The following DOCK11 variants were observed in gnomAD, a reference collection of about 807,000 sequenced individuals.
The protein encoded by DOCK11 is dedicator of cytokinesis 11, also known as dedicator of cytokinesis protein 11.
A neutral mutation model predicts 169.1 loss-of-function variants in DOCK11; 70 were observed. The observed-to-expected ratio is 0.41, with a 90% CI of 0.34 to 0.51. DOCK11 has a LOEUF of 0.51. Among genes scored for constraint, DOCK11 ranks in the 20% least tolerant of loss-of-function variants. The probability of loss-of-function intolerance (pLI) is 0.10; values close to 1 mark genes in which losing one functional copy is unlikely to be tolerated. For synonymous variants in DOCK11, 529 were observed against 541.3 expected, an observed-to-expected ratio of 0.98 and a Z score of 0.32; for missense variants, 1,166 against 1,538.8, an observed-to-expected ratio of 0.76 and a Z score of 4.05.
intron 46 of DOCK11, among the ~76,000 whole-genome samples, chrX:118,672,443 G>GT (rs1317935319): frequency 1.8e-5 from 2 of 112,029 alleles, no homozygotes; most frequent in Non-Finnish European, 3.8e-5. Context: ...TATTTATTTA[G>GT]TTTTTTTGAG....
Position 118,500,269 on chromosome X carries a change from C to T in DOCK11, c.102+4196C>T, listed in dbSNP as rs2057567141. Among the ~76,000 whole-genome samples, 8 of 110,403 alleles carry T rather than the reference C, an allele frequency of 7.2e-5. No homozygotes were observed. In the South Asian group the frequency reaches 3.0e-3, roughly 42 times the overall value. On this transcript the variant is annotated intron_variant, in intron 1 of 52. Coordinates refer to ENST00000276202, the MANE Select transcript of DOCK11 (RefSeq NM_144658.4). ...TTCACCGTGTTAGCCAGGATGGTCT[C>T]GATCTCCTGACCTCGTGATCCGCCC...
Position 118,608,119 on chromosome X carries a change from G to C in DOCK11, c.2729G>C (p.Ser910Thr). The C allele has an allele frequency of 8.3e-7, 1 of 1,204,572 alleles. No homozygotes were observed. Among genetic ancestry groups the C allele is most frequent in the African/African-American group, 1.7e-5 (1 of 57,483 alleles). The change falls in exon 25 of 53, where the codon AGT (serine) becomes ACT (threonine). Residue 910 changes from serine to threonine, a missense_variant. Transcript: ENST00000276202. ...AAGTGCCATGAAGAAGGCTTGGATA[G>C]TTATCTAAGATCATTCATAAAGGTT... is the stretch of plus-strand genomic sequence containing the variant. ...VSKCHEEGLD[S>T]YLRSFIKYSF...
intron 1 of DOCK11, among the ~76,000 whole-genome samples, chrX:118,539,039 T>C (rs1318990104): frequency 9.0e-6 from 1 of 111,560 alleles, no homozygotes; most frequent in East Asian, 2.8e-4. Flanking sequence ...CTTGGAGAGA[T>C]GAATCCTGAT....
At position 118,642,033 on chromosome X, in the gene DOCK11, T is replaced by C. The variant is rs762484033; in HGVS notation, c.4260+728T>C. 5.6e-4 allele frequency among the ~76,000 whole-genome samples: 62 copies of C among 111,450 alleles called. 1 individual carries two copies. Among genetic ancestry groups the C allele is most frequent in the African/African-American group, 1.8e-3 (54 of 30,661 alleles). On this transcript the variant is annotated intron_variant, in intron 39 of 52. Coordinates refer to ENST00000276202, the MANE Select transcript of DOCK11 (RefSeq NM_144658.4). Reference sequence around the variant, plus strand: ...TTTCAAAGAGGCTTATAAAGGAAAATTGAATTAGATACTAATATAAAATAG... The same window carrying C: ...TTTCAAAGAGGCTTATAAAGGAAAACTGAATTAGATACTAATATAAAATAG...
rs759372197 is a variant in DOCK11 at position 118,673,531 on chromosome X, G to A, written c.5199+2386G>A. Among the ~76,000 whole-genome samples the A allele has an allele frequency of 2.1e-4, 24 of 111,661 alleles. No individual in the cohort carries two copies. In the South Asian group the frequency reaches 3.0e-3, roughly 14 times the overall value. On this transcript the variant is annotated intron_variant, in intron 46 of 52. Coordinates refer to ENST00000276202, the MANE Select transcript of DOCK11 (RefSeq NM_144658.4). Reference sequence around the variant, plus strand: ...CTTTTTCAGTGTATCTCTATGGAACGGGCTGAAAACTATCAGAGATAGCAG... The same window carrying A: ...CTTTTTCAGTGTATCTCTATGGAACAGGCTGAAAACTATCAGAGATAGCAG...
chrX:118,663,672 GTC>G (rs2016272529), intron 45 of DOCK11, among the ~76,000 whole-genome samples: 1 of 70,234 alleles, frequency 1.4e-5, no homozygotes, highest in African/African-American at 5.4e-5. Context: ...TGGCATCAAA[GTC>G]TTTTTTTTTT....
chrX:118,524,750 CG>C (rs2011336334), intron 1 of DOCK11, among the ~76,000 whole-genome samples: 1 of 111,280 alleles, frequency 9.0e-6, no homozygotes, highest in Non-Finnish European at 1.9e-5. Context: ...GGAACACGGG[CG>C]GGGCGGACCT....
Position 118,608,182 on chromosome X carries a change from G to A in DOCK11, c.2751+41G>A, listed in dbSNP as rs41300313. On this transcript the variant is annotated intron_variant, in intron 25 of 52. Transcript: ENST00000276202. ...TTTCTTTCTGAGCAATTTGTTTTATGTGACAATTTTGTCTTACAGTTCATT... is the reference window on the plus strand; with the variant it reads ...TTTCTTTCTGAGCAATTTGTTTTATATGACAATTTTGTCTTACAGTTCATT... 3.4e-6 allele frequency: 4 copies of A among 1,190,446 alleles called. No homozygotes were observed. In the African/African-American group the frequency reaches 7.2e-5, roughly 21 times the overall value.
Position 118,680,998 on chromosome X carries a change from T to C in DOCK11, c.5672-60T>C, listed in dbSNP as rs529904734. On this transcript the variant is annotated intron_variant, in intron 49 of 52. Transcript: ENST00000276202. Reference sequence around the variant, plus strand: ...AAGCACAATAGAGTTTTTTCTTTAATTTGGCTGTTTGAACAAATGATTTTC... The same window carrying C: ...AAGCACAATAGAGTTTTTTCTTTAACTTGGCTGTTTGAACAAATGATTTTC... 3.2e-4 allele frequency: 325 copies of C among 1,025,841 alleles called. 4 individuals are homozygous for C. The South Asian group carries it at 7.6e-3, about 24-fold the overall frequency. The allele number at this position is 1,025,841 out of a possible 1,213,427, so 84.5% of individuals were successfully genotyped here.
intron 16 of DOCK11, among the ~76,000 whole-genome samples, chrX:118,587,549 C>A (rs891811648): frequency 1.8e-5 from 2 of 111,999 alleles, no homozygotes; most frequent in African/African-American, 6.5e-5. Flanking sequence ...TATGAATAAC[C>A]TTTACTACAG....
At chrX:118,616,936 C>T (rs1011950698) in intron 30 of DOCK11, among the ~76,000 whole-genome samples, 3 of 111,681 alleles carry the variant, frequency 2.7e-5, no homozygotes, top group Non-Finnish European at 3.8e-5. Context: ...CGATTCTGAA[C>T]ATGTATAGCT....
intron 7 of DOCK11, among the ~76,000 whole-genome samples, chrX:118,565,720 T>C (rs1312405503): frequency 2.7e-5 from 3 of 112,080 alleles, no homozygotes; most frequent in Non-Finnish European, 3.8e-5. Flanking sequence ...ATGTGAAGGA[T>C]GCCAAAAGGC....
At chrX:118,521,937 A>G (rs773259354) in intron 1 of DOCK11, among the ~76,000 whole-genome samples, 3 of 112,206 alleles carry the variant, frequency 2.7e-5, no homozygotes, top group African/African-American at 9.7e-5. Flanking sequence ...AACCATTCCT[A>G]TTACATAGAG....
chrX:118,503,081 T>TTC, intron 1 of DOCK11, among the ~76,000 whole-genome samples: 1 of 106,357 alleles, frequency 9.4e-6, no homozygotes. Context: ...AGGCTTTTTT[T>TTC]TTTTTTTTTG....
At chrX:118,606,950 C>G (rs138359860) in intron 24 of DOCK11, among the ~76,000 whole-genome samples, 68 of 109,864 alleles carry the variant, frequency 6.2e-4, no homozygotes, top group African/African-American at 2.0e-3. Flanking sequence ...AATTATAGTT[C>G]ATATCATTAC....
At chrX:118,680,726 G>T (rs1324782811) in intron 49 of DOCK11, 34 bp downstream of exon 49, 1 of 1,090,912 alleles carries the variant, frequency 9.2e-7, no homozygotes, top group Middle Eastern at 2.5e-4. Flanking sequence ...CTTCTTATTT[G>T]TCTTGGTCTT....
chrX:118,496,022 G>T lies in DOCK11; in HGVS notation c.51G>T (p.Ala17=). The T allele has an allele frequency of 9.1e-7, 1 of 1,097,485 alleles. No individual in the cohort carries two copies. Among genetic ancestry groups the T allele is most frequent in the Non-Finnish European group, 1.2e-6 (1 of 844,234 alleles). The allele number at this position is 1,097,485 out of a possible 1,213,427, so 90.4% of individuals were successfully genotyped here. A position where few individuals can be genotyped will look rare whatever the true frequency, so the allele number is the denominator to read the frequency against. The change falls in exon 1 of 53, where the codon GCG becomes GCT. Residue 17 remains alanine (A), a synonymous_variant. Transcript: ENST00000276202. ...AACGGCTCAGCAAGCCTGGCACGGC[G>T]GCTGAGCTCCGGCAGAGCGTGTCTG... ...FTKRLSKPGT[A]AELRQSVSEA...
intron 7 of DOCK11, among the ~76,000 whole-genome samples, chrX:118,564,045 A>G (rs1468803109): frequency 8.9e-6 from 1 of 111,875 alleles, no homozygotes; most frequent in East Asian, 2.8e-4. Context: ...TCCTGCTAGC[A>G]GGTTTCCCAC....
intron 39 of DOCK11, 138 bp downstream of exon 39, chrX:118,641,443 G>A: frequency 2.1e-6 from 1 of 466,118 alleles, no homozygotes; most frequent in East Asian, 3.9e-5. Flanking sequence ...TTCTAGTTTG[G>A]TTATCATGTG....
Sources: gnomAD v4.1 joint callset for allele counts (sites outside exome capture counted in the v4.1 genomes callset) on GRCh38, gnomAD v4.1.1 for gene constraint, MANE v1.5 for transcripts, NCBI Gene and HGNC (gene_info 2026-07-23, HGNC 2026-07-21) for gene names.